Variants in AREG observed in about 807,000 individuals in gnomAD.
AREG encodes the protein amphiregulin B.
Under a neutral mutation model 28.0 loss-of-function variants are expected in AREG, and 16 were observed. The observed-to-expected ratio is 0.57, with a 90% CI of 0.39 to 0.87. The LOEUF (loss-of-function observed/expected upper bound fraction) is 0.87, where lower values mean the gene tolerates loss of function less well. AREG is among the 40% of genes least tolerant of loss of function. The probability of loss-of-function intolerance (pLI) is 0.00; values close to 1 mark genes in which losing one functional copy is unlikely to be tolerated. For missense variants in AREG, 287 were observed against 309.1 expected (o/e 0.93, Z 0.53); for synonymous variants, 113 against 113.5 (o/e 1.00, Z 0.02).
At position 74,450,451 on chromosome 4, in the gene AREG, G is replaced by GT; in HGVS notation, c.587dup (p.Leu196PhefsTer29). 6.2e-7 allele frequency: 1 copy of GT among 1,613,944 alleles called. No individual in the cohort carries two copies. The highest frequency in any genetic ancestry group is 1.7e-4 in the Middle Eastern group (1 of 6,054). On this transcript the variant is annotated frameshift_variant, in exon 4 of 6. Coordinates refer to ENST00000395748, the MANE Select transcript of AREG (RefSeq NM_001657.4). LOFTEE classifies it high-confidence loss of function. ...AAAACTCACAGCATGATTGACAGTA[G>GT]TTTATCAAAAATTGCATTAGCAGCC...
chr4:74,452,130 T>A (rs1296160635), intron 4 of AREG, among the ~76,000 whole-genome samples: 1 of 152,132 alleles, frequency 6.6e-6, no homozygotes, highest in African/African-American at 2.4e-5. Context: ...TAGAAATAAA[T>A]AAAGCTCAAC....
intron 1 of AREG, among the ~76,000 whole-genome samples, 196 bp downstream of exon 1, chr4:74,445,602 A>T (rs2110410352): frequency 6.6e-6 from 1 of 152,362 alleles, no homozygotes; most frequent in African/African-American, 2.4e-5. Context: ...AAGGTGTCCC[A>T]GAGAATCGCT....
At chr4:74,449,347 G>A in intron 3 of AREG, 99 bp downstream of exon 3, 1 of 1,571,948 alleles carries the variant, frequency 6.4e-7, no homozygotes, top group South Asian at 1.2e-5. Context: ...TATAAACCAA[G>A]GGTCAGTAAA....
Position 74,446,852 on chromosome 4 carries a change from G to A in AREG, c.310+70G>A, listed in dbSNP as rs564714221. On this transcript the variant is annotated intron_variant, in intron 2 of 5. Coordinates refer to ENST00000395748, the MANE Select transcript of AREG (RefSeq NM_001657.4). Reference sequence around the variant, plus strand: ...TTATATGAGCAAAGCTGCTTCAGAAGTAAAGCTGCTCCCCAGATTTTCTAG... The same window carrying A: ...TTATATGAGCAAAGCTGCTTCAGAAATAAAGCTGCTCCCCAGATTTTCTAG... 8 of 1,612,366 alleles carry A rather than the reference G, an allele frequency of 5.0e-6. No individual in the cohort carries two copies. In the East Asian group the frequency reaches 1.3e-4, roughly 27 times the overall value.
chr4:74,446,572 T>C lies in AREG; in HGVS notation c.100T>C (p.Ser34Pro), dbSNP rs1199143813. 3 of 1,613,938 alleles carry C rather than the reference T, an allele frequency of 1.9e-6. No individual in the cohort carries two copies. The highest frequency in any genetic ancestry group is 2.5e-6 in the Non-Finnish European group (3 of 1,179,854). The change falls in exon 2 of 6, where the codon TCT becomes CCT. Residue 34 changes from serine (S) to proline (P), a missense_variant. Transcript: ENST00000395748. ...TGGATTGGACCTCAATGACACCTAC[T>C]CTGGGAAGCGTGAACCATTTTCTGG... ...AAGLDLNDTYSGKREPFSGDH... is the reference protein window; with the variant it reads ...AAGLDLNDTYPGKREPFSGDH...
At chr4:74,452,400 G>A in intron 4 of AREG, 144 bp from the exon 5 acceptor site, 1 of 873,546 alleles carries the variant, frequency 1.1e-6, no homozygotes, top group South Asian at 1.6e-5. Flanking sequence ...ATATTTTATA[G>A]CCAGGTTTAG....
chr4:74,452,898 A>G (rs998254953), intron 5 of AREG, among the ~76,000 whole-genome samples: 8 of 114,846 alleles, frequency 7.0e-5, no homozygotes, highest in African/African-American at 2.7e-4. Context: ...CAAAGAAGTT[A>G]TTGTTTAGTA....
At chr4:74,445,485 C>G (rs2110410306) in intron 1 of AREG, 79 bp downstream of exon 1, 1 of 1,551,308 alleles carries the variant, frequency 6.4e-7, no homozygotes, top group East Asian at 2.4e-5. Context: ...TCTTGCTTCT[C>G]TAAAAATCGC....
chr4:74,450,614 G>A, intron 4 of AREG, 82 bp downstream of exon 4: 1 of 1,528,320 alleles, frequency 6.5e-7, no homozygotes, highest in Non-Finnish European at 8.9e-7. Context: ...CTCTACTCTG[G>A]TATTTTAGAT....
intron 3 of AREG, 126 bp from the exon 4 acceptor site, chr4:74,450,254 A>C (rs1227071347): frequency 8.2e-6 from 12 of 1,466,994 alleles, no homozygotes; most frequent in Non-Finnish European, 1.1e-5. Flanking sequence ...TCATTATTTA[A>C]AATACGAGTA....
At chr4:74,446,161 G>T (rs1406221417) in intron 1 of AREG, among the ~76,000 whole-genome samples, 1 of 152,094 alleles carries the variant, frequency 6.6e-6, no homozygotes, top group Non-Finnish European at 1.5e-5. Flanking sequence ...ACCGAAATAG[G>T]CCAGGATGGC....
At chr4:74,451,082 C>T (rs968559723) in intron 4 of AREG, among the ~76,000 whole-genome samples, 1 of 152,158 alleles carries the variant, frequency 6.6e-6, no homozygotes, top group Non-Finnish European at 1.5e-5. Context: ...TTGTTACTAT[C>T]GAATATGAGA....
chr4:74,450,754 AG>A (rs1209253281), intron 4 of AREG, among the ~76,000 whole-genome samples: 3 of 152,166 alleles, frequency 2.0e-5, no homozygotes, highest in Non-Finnish European at 1.5e-5. Context: ...CTTTTATAGA[AG>A]ATCTAGAAAT....
At chr4:74,448,759 T>G in intron 2 of AREG, 1 of 345,048 alleles carries the variant, frequency 2.9e-6, no homozygotes, top group Non-Finnish European at 5.3e-6. Context: ...GTTGGAGCAT[T>G]GTAACATAGA....
chr4:74,446,481 G>C (rs954098195), intron 1 of AREG, 53 bp from the exon 2 acceptor site: 1 of 1,613,838 alleles, frequency 6.2e-7, no homozygotes, highest in South Asian at 1.1e-5. Context: ...CAGCTGACTC[G>C]AAAGGCACCC....
In AREG at chr4:74,452,428, G is replaced by C. The variant is rs1323993291; in HGVS notation, c.666-116G>C. 4 of 1,180,484 alleles carry C rather than the reference G, an allele frequency of 3.4e-6. No homozygotes were observed. In the African/African-American group the frequency reaches 6.1e-5, roughly 18 times the overall value. 73.1% of individuals were successfully genotyped at this position (1,180,484 alleles called of 1,614,324 possible). Reference sequence around the variant, plus strand: ...AGGTTTAGGTTTAGTGTCAAGTATAGTGATTGCTGGTCTATCACTACTCAT... The same window carrying C: ...AGGTTTAGGTTTAGTGTCAAGTATACTGATTGCTGGTCTATCACTACTCAT... On this transcript the variant is annotated intron_variant, in intron 4 of 5. Coordinates refer to ENST00000395748, the MANE Select transcript of AREG (RefSeq NM_001657.4).
chr4:74,454,735 T>C lies in AREG; in HGVS notation c.*19-24T>C, dbSNP rs548434036. 206 of 667,356 alleles carry C rather than the reference T, an allele frequency of 3.1e-4. 6 individuals are homozygous for C. In the South Asian group the frequency reaches 3.2e-3, roughly 10 times the overall value. The allele number at this position is 667,356 out of a possible 1,614,324, so 41.3% of individuals were successfully genotyped here. ...TAACATTTTGTTTTATTTTATTATT[T>C]TATTTTATTTTATTTTCTCACAGGA... On this transcript the variant is annotated intron_variant, in intron 5 of 5. Coordinates refer to ENST00000395748, the MANE Select transcript of AREG (RefSeq NM_001657.4).
At chr4:74,450,307 T>C in intron 3 of AREG, 73 bp from the exon 4 acceptor site, 1 of 1,611,140 alleles carries the variant, frequency 6.2e-7, no homozygotes, top group East Asian at 2.2e-5. Context: ...TGGTTCTTTA[T>C]GATCTGGAGA....
rs1359364346 is a variant in AREG, at chr4:74,448,439, A to G, written c.311-608A>G. ...TGTATTGAATGGGTGCTGCATGACCATTATGACTAATGGTATTTTCTCTTT... is the reference window on the plus strand; with the variant it reads ...TGTATTGAATGGGTGCTGCATGACCGTTATGACTAATGGTATTTTCTCTTT... On this transcript the variant is annotated intron_variant, in intron 2 of 5. Coordinates refer to ENST00000395748, the MANE Select transcript of AREG (RefSeq NM_001657.4). Among the ~76,000 whole-genome samples, 12 of 152,346 alleles carry G rather than the reference A, an allele frequency of 7.9e-5. No individual in the cohort carries two copies. In the South Asian group the frequency reaches 2.1e-3, roughly 26 times the overall value.
Sources: allele counts gnomAD v4.1 joint callset (sites outside exome capture counted in the v4.1 genomes callset), GRCh38; gene constraint gnomAD v4.1.1; transcripts MANE v1.5; gene names NCBI Gene and HGNC (gene_info 2026-07-23, HGNC 2026-07-21).